The following FBP1 variants were observed in gnomAD, a reference collection of about 807,000 sequenced individuals.
FBP1 encodes fructose-1,6-bisphosphatase 1.
In FBP1, 22 loss-of-function variants were observed where a neutral mutation model predicts 29.9. The observed-to-expected ratio is 0.74, with a 90% CI of 0.53 to 1.05. FBP1 has a LOEUF of 1.05. FBP1 is among the 50% of genes least tolerant of loss of function. The pLI, the probability that FBP1 is intolerant of heterozygous loss-of-function variation, is 0.00. For synonymous variants in FBP1, 175 were observed against 178.6 expected (o/e 0.98, Z 0.16); for missense variants, 345 against 448.2 (o/e 0.77, Z 2.08).
Position 94,606,932 on chromosome 9 carries a change from CA to C in FBP1, c.587del (p.Leu196TrpfsTer6). 1 of 1,614,090 alleles carries C rather than the reference CA, an allele frequency of 6.2e-7. No individual in the cohort carries two copies. The highest frequency in any genetic ancestry group is 8.5e-7 in the Non-Finnish European group (1 of 1,179,992). Reference protein sequence around the residue: ...MLDPAIGEFILVDKDVKIKKK... With the variant: ...MLDPAIGEFIXVDKDVKIKKK... ...TTTTTATCTTCACATCCTTGTCCAC[CA>C]AAATGAACTCCCCGATGGCCTTTTT... On this transcript the variant is annotated frameshift_variant, in exon 5 of 7. Transcript: ENST00000375326. LOFTEE classifies it high-confidence loss of function.
rs1301363398 is a variant in FBP1, at chr9:94,605,572, T to C, written c.710A>G (p.Asn237Ser). The C allele has an allele frequency of 4.3e-6, 7 of 1,613,816 alleles. No individual in the cohort carries two copies. The highest frequency in any genetic ancestry group is 5.9e-6 in the Non-Finnish European group (7 of 1,179,932). Residue 237 changes from asparagine (N) to serine (S), a missense_variant, in exon 6 of 7, where the codon AAT becomes AGT. Asn to Ser is a conservative substitution (Grantham distance 46). Coordinates refer to ENST00000375326, the MANE Select transcript of FBP1 (RefSeq NM_000507.4). ...ATACCGGGCCCCATAAGGAGCTGAA[T>C]TATCCTGCAAGTTAAGACCAGCAAG... ...YIQRKKFPPDNSAPYGARYVG... is the reference protein window; with the variant it reads ...YIQRKKFPPDSSAPYGARYVG...
In FBP1 at chr9:94,605,537, T is replaced by G. The variant is rs147392679; in HGVS notation, c.745A>C (p.Met249Leu). 173 of 1,614,050 alleles carry G rather than the reference T, an allele frequency of 1.1e-4. No individual in the cohort carries two copies. In the African/African-American group the frequency reaches 2.2e-3, roughly 21 times the overall value. The change falls in exon 6 of 7, where the codon ATG (methionine) becomes CTG (leucine). Residue 249 changes from methionine to leucine, a missense_variant. Transcript: ENST00000375326. Reference sequence around the variant, plus strand: ...AGAGTGCGATGAACATCAGCCACCATGGAGCCCACATACCGGGCCCCATAA... The same window carrying G: ...AGAGTGCGATGAACATCAGCCACCAGGGAGCCCACATACCGGGCCCCATAA... ...APYGARYVGSMVADVHRTLVY... is the reference protein window; with the variant it reads ...APYGARYVGSLVADVHRTLVY...
intron 1 of FBP1, among the ~76,000 whole-genome samples, chr9:94,635,182 G>T (rs1272402537): frequency 6.6e-6 from 1 of 151,672 alleles, no homozygotes; most frequent in Non-Finnish European, 1.5e-5. Context: ...AGGAAGAGAT[G>T]TGTAGTGTGG....
Position 94,639,278 on chromosome 9 carries a change from G to C in FBP1, c.33C>G (p.Val11=), listed in dbSNP as rs776753141. Residue 11 remains valine, a synonymous_variant, in exon 1 of 7, where the codon GTC becomes GTG. Coordinates refer to ENST00000375326, the MANE Select transcript of FBP1 (RefSeq NM_000507.4). ...CCATGACGAAGCGGGTCAGGGTGTT[G>C]ACGTCCGTGTCGAAGGGCGCCTGGT... is the stretch of plus-strand genomic sequence containing the variant. The part of the protein sequence containing the change: MADQAPFDTD[V]NTLTRFVMEE... 4 of 1,607,278 alleles carry C rather than the reference G, an allele frequency of 2.5e-6. No individual in the cohort carries two copies. The African/African-American group carries it at 4.0e-5, about 16-fold the overall frequency.
intron 1 of FBP1, among the ~76,000 whole-genome samples, chr9:94,623,891 A>G (rs1827983529): frequency 6.6e-6 from 1 of 152,246 alleles, no homozygotes; most frequent in African/African-American, 2.4e-5. Flanking sequence ...TGAAAAAGAT[A>G]TGTCAGATAG....
Position 94,619,874 on chromosome 9 carries a change from C to CAAAAAAAAAAAAAAAAAAA in FBP1, c.333+436_333+454dup, listed in dbSNP as rs56722632. ...GGGCAACAAGAGCAAAACACTGTCT[C>CAAAAAAAAAAAAAAAAAAA]AAAAAAAAAAAAAAAAAAAAAAAAA... On this transcript the variant is annotated intron_variant, in intron 2 of 6. Coordinates refer to ENST00000375326, the MANE Select transcript of FBP1 (RefSeq NM_000507.4). 5.3e-4 allele frequency among the ~76,000 whole-genome samples: 53 copies of CAAAAAAAAAAAAAAAAAAA among 99,162 alleles called. 4 individuals are homozygous for CAAAAAAAAAAAAAAAAAAA. Among genetic ancestry groups the CAAAAAAAAAAAAAAAAAAA allele is most frequent in the African/African-American group, 2.9e-3 (50 of 17,532 alleles). 65.1% of individuals were successfully genotyped at this position (99,162 alleles called of 152,430 possible). A position where few individuals can be genotyped will look rare whatever the true frequency, so the allele number is the denominator to read the frequency against.
chr9:94,605,692 T>C (rs1447423312), intron 5 of FBP1, 116 bp from the exon 6 acceptor site: 6 of 1,001,018 alleles, frequency 6.0e-6, no homozygotes, highest in Non-Finnish European at 9.1e-6. Flanking sequence ...ACAAGGTATG[T>C]ATTTGGGGCT....
intron 1 of FBP1, among the ~76,000 whole-genome samples, chr9:94,634,032 G>A (rs1305040161): frequency 6.7e-6 from 1 of 150,368 alleles, no homozygotes; most frequent in East Asian, 2.1e-4. Context: ...AGTGGCTCAC[G>A]CCTGTAATCC....
At chr9:94,625,428 C>T (rs1287611694) in intron 1 of FBP1, among the ~76,000 whole-genome samples, 3 of 152,106 alleles carry the variant, frequency 2.0e-5, no homozygotes, top group African/African-American at 4.8e-5. Context: ...TCCACCAAGC[C>T]ATGCGGGGCT....
At position 94,617,798 on chromosome 9, in the gene FBP1, G is replaced by T. The variant is rs749185068; in HGVS notation, c.396C>A (p.Ser132=). The T allele has an allele frequency of 8.1e-6, 13 of 1,613,420 alleles. No individual in the cohort carries two copies. The African/African-American group carries it at 1.5e-4, about 18-fold the overall frequency. ...DGSSNIDCLV[S]VGTIFGIYRK... The stretch of plus-strand genomic sequence containing the variant: ...TATAGATGCCAAAAATGGTTCCAAC[G>T]GACACAAGGCAATCGATGTTGGAAG... The change falls in exon 3 of 7, where the codon TCC becomes TCA. Residue 132 remains serine, a synonymous_variant. Transcript: ENST00000375326.
Position 94,606,838 on chromosome 9 carries a change from T to G in FBP1, c.682A>C (p.Ile228Leu). The G allele has an allele frequency of 4.3e-6, 7 of 1,613,942 alleles. No homozygotes were observed. The highest frequency in any genetic ancestry group is 5.9e-6 in the Non-Finnish European group (7 of 1,179,850). ...RDFDPAVTEY[I>L]QRKKFPPDNS... ...ACTGGGGGGAACTTCTTCCTCTGGA[T>G]GTACTCAGTGACGGCAGGGTCAAAG... is the stretch of plus-strand genomic sequence containing the variant. Residue 228 changes from isoleucine to leucine, a missense_variant, in exon 5 of 7, where the codon ATC becomes CTC. By Grantham distance (5) the Ile-to-Leu change is conservative. Coordinates refer to ENST00000375326, the MANE Select transcript of FBP1 (RefSeq NM_000507.4).
intron 1 of FBP1, among the ~76,000 whole-genome samples, chr9:94,635,702 C>G (rs901776799): frequency 7.2e-5 from 11 of 152,336 alleles, no homozygotes; most frequent in African/African-American, 2.6e-4. Flanking sequence ...TGTCCAGCAT[C>G]TAGTCCTGTC....
chr9:94,617,509 C>T (rs1274482137), intron 3 of FBP1, among the ~76,000 whole-genome samples: 1 of 152,154 alleles, frequency 6.6e-6, no homozygotes, highest in African/African-American at 2.4e-5. Context: ...CATTTTCTAT[C>T]ATAAAAAGTA....
At chr9:94,624,692 A>C (rs1827998756) in intron 1 of FBP1, among the ~76,000 whole-genome samples, 1 of 152,168 alleles carries the variant, frequency 6.6e-6, no homozygotes, top group Non-Finnish European at 1.5e-5. Context: ...GGAAATGAAA[A>C]AGCCCTAAAG....
At chr9:94,605,228 C>T (rs948513087) in intron 6 of FBP1, among the ~76,000 whole-genome samples, 9 of 152,162 alleles carry the variant, frequency 5.9e-5, no homozygotes, top group African/African-American at 1.7e-4. Context: ...TCGTCCTGAC[C>T]GTTCATTCTC....
chr9:94,627,259 A>G (rs1828040365), intron 1 of FBP1, among the ~76,000 whole-genome samples: 1 of 150,032 alleles, frequency 6.7e-6, no homozygotes, highest in African/African-American at 2.5e-5. Flanking sequence ...GGAGGCTGAG[A>G]TAGGAGAGTC....
intron 4 of FBP1, 39 bp from the exon 5 acceptor site, chr9:94,606,991 C>T (rs747567506): frequency 9.9e-6 from 16 of 1,613,328 alleles, no homozygotes; most frequent in Admixed American, 1.7e-5. Flanking sequence ...AGATGACGAG[C>T]GCACTGGGTC....
At chr9:94,621,398 A>AAAAAAT (rs58726402) in intron 1 of FBP1, among the ~76,000 whole-genome samples, 1 of 146,234 alleles carries the variant, frequency 6.8e-6, no homozygotes, top group Non-Finnish European at 1.5e-5. Context: ...TCCGTCTAAA[A>AAAAAAT]ATATATATAT....
intron 1 of FBP1, among the ~76,000 whole-genome samples, chr9:94,628,760 A>G (rs1828061493): frequency 6.6e-6 from 1 of 152,206 alleles, no homozygotes; most frequent in South Asian, 2.1e-4. Flanking sequence ...ATGCTTTTAA[A>G]TTGCACTGTT....
Sources: allele counts gnomAD v4.1 joint callset (sites outside exome capture counted in the v4.1 genomes callset), GRCh38; gene constraint gnomAD v4.1.1; transcripts MANE v1.5; gene names NCBI Gene and HGNC (gene_info 2026-07-23, HGNC 2026-07-21).